FAM167A: variants seen among roughly 807,000 people sequenced by gnomAD.
FAM167A encodes family with sequence similarity 167 member A.
A neutral mutation model predicts 14.9 loss-of-function variants in FAM167A; 23 were observed. The ratio of observed to expected loss-of-function variants is 1.55; its 90% CI spans 1.11 to 2.19. The LOEUF (loss-of-function observed/expected upper bound fraction) is 2.19, where lower values mean the gene tolerates loss of function less well. Ranked by LOEUF, FAM167A falls within the 30% of genes most tolerant of loss-of-function variation. The probability of loss-of-function intolerance (pLI) is 0.00; values close to 1 mark genes in which losing one functional copy is unlikely to be tolerated. For synonymous variants in FAM167A, 174 were observed against 117.7 expected (o/e 1.48, Z -3.10); for missense variants, 401 against 281.5 (o/e 1.42, Z -3.04).
chr8:11,462,792 T>C (rs1807591324), intron 1 of FAM167A, among the ~76,000 whole-genome samples: 1 of 152,200 alleles, frequency 6.6e-6, no homozygotes, highest in African/African-American at 2.4e-5. Context: ...GCAGAAAGCA[T>C]CTGCTCCAGA....
upstream of FAM167A, among the ~76,000 whole-genome samples, chr8:11,472,214 G>A (rs192271714): frequency 8.5e-5 from 13 of 152,168 alleles, no homozygotes; most frequent in Admixed American, 5.2e-4. Context: ...GCAGCACACC[G>A]CACACAGACA....
Position 11,444,621 on chromosome 8 carries a change from C to G in FAM167A, c.-210G>C. 7.3e-7 allele frequency: 1 copy of G among 1,362,246 alleles called. No homozygotes were observed. Among genetic ancestry groups the G allele is most frequent in the Admixed American group, 3.5e-5 (1 of 28,214 alleles). The allele number at this position is 1,362,246 out of a possible 1,614,324, so 84.4% of individuals were successfully genotyped here. ...CGCACAGGGCGCCCTCCTGGAGGCT[C>G]GGGTCTATGATCCGTCCTGGAAGCC... On this transcript the variant is annotated 5_prime_UTR_variant, in exon 2 of 3. Coordinates refer to ENST00000284486, the MANE Select transcript of FAM167A (RefSeq NM_053279.3).
intron 1 of FAM167A, among the ~76,000 whole-genome samples, chr8:11,472,956 A>G (rs1039543042): frequency 3.3e-5 from 5 of 152,210 alleles, no homozygotes; most frequent in Non-Finnish European, 1.5e-5. Flanking sequence ...GGCCAGCAAG[A>G]TAAAAGAAAC....
At chr8:11,459,253 G>A (rs1807446531) in intron 1 of FAM167A, among the ~76,000 whole-genome samples, 1 of 152,080 alleles carries the variant, frequency 6.6e-6, no homozygotes, top group African/African-American at 2.4e-5. Context: ...CTCTACTGCA[G>A]GCAAGGAAAC....
chr8:11,432,048 G>C (rs1357198696), intron 2 of FAM167A, among the ~76,000 whole-genome samples: 1 of 152,026 alleles, frequency 6.6e-6, no homozygotes, highest in African/African-American at 2.4e-5. Context: ...CAGCATTTTT[G>C]TGGAATTTGC....
intron 1 of FAM167A, among the ~76,000 whole-genome samples, chr8:11,458,727 C>G (rs1039239342): frequency 6.6e-6 from 1 of 152,052 alleles, no homozygotes; most frequent in South Asian, 2.1e-4. Flanking sequence ...TTTCCAGAGT[C>G]TGGAGAAAGC....
At chr8:11,442,539 G>A (rs1441514369) in intron 2 of FAM167A, among the ~76,000 whole-genome samples, 2 of 152,140 alleles carry the variant, frequency 1.3e-5, no homozygotes, top group Admixed American at 6.5e-5. Context: ...TCTCGAACTC[G>A]AAACCAACAA....
intron 1 of FAM167A, among the ~76,000 whole-genome samples, chr8:11,459,732 G>C (rs112387834): frequency 0.017 from 2,562 of 152,034 alleles, 79 homozygotes; most frequent in African/African-American, 0.059. Context: ...TTCTTTTTTT[G>C]AGACAGAGTT....
intron 2 of FAM167A, among the ~76,000 whole-genome samples, chr8:11,430,301 T>C (rs551940012): frequency 5.3e-4 from 81 of 152,298 alleles, no homozygotes; most frequent in Non-Finnish European, 9.1e-4. Flanking sequence ...GGTGACAGGG[T>C]GTCCCCACCA....
intron 1 of FAM167A, among the ~76,000 whole-genome samples, chr8:11,459,563 G>C (rs573300998): frequency 3.9e-5 from 6 of 152,232 alleles, no homozygotes; most frequent in Admixed American, 2.6e-4. Flanking sequence ...GCTGTGGCAG[G>C]AGGGCCTCTT....
chr8:11,428,123 G>T (rs1805313487), intron 2 of FAM167A, among the ~76,000 whole-genome samples: 1 of 151,922 alleles, frequency 6.6e-6, no homozygotes, highest in Non-Finnish European at 1.5e-5. Flanking sequence ...TATGGTTTAA[G>T]ATTTGAGCTT....
chr8:11,456,181 T>A (rs187421382), intron 1 of FAM167A, among the ~76,000 whole-genome samples: 260 of 5,208 alleles, frequency 0.05, no homozygotes, highest in Admixed American at 0.055. Flanking sequence ...GCTGTGTGTG[T>A]GTGTGAATGT....
chr8:11,468,082 G>A (rs1807842342), upstream of FAM167A, among the ~76,000 whole-genome samples: 1 of 152,178 alleles, frequency 6.6e-6, no homozygotes, highest in Admixed American at 6.5e-5. Flanking sequence ...CCGGGTCCAA[G>A]CGTGCACGCA....
At chr8:11,435,290 C>T (rs773157778) in intron 2 of FAM167A, among the ~76,000 whole-genome samples, 3 of 152,178 alleles carry the variant, frequency 2.0e-5, no homozygotes, top group Admixed American at 1.3e-4. Context: ...GCCCCATGGG[C>T]GCCTGCTACC....
chr8:11,475,406 T>A (rs1288257749), intron 1 of FAM167A, among the ~76,000 whole-genome samples: 2 of 152,074 alleles, frequency 1.3e-5, no homozygotes, highest in African/African-American at 2.4e-5. Flanking sequence ...CCTCTCAACC[T>A]CACCCCACCC....
chr8:11,436,893 G>A (rs974883140), intron 2 of FAM167A, among the ~76,000 whole-genome samples: 1 of 152,216 alleles, frequency 6.6e-6, no homozygotes, highest in African/African-American at 2.4e-5. Flanking sequence ...GAGAGCTGAG[G>A]ACAGGACATG....
At chr8:11,457,156 C>A (rs1214319325) in intron 1 of FAM167A, among the ~76,000 whole-genome samples, 1 of 151,156 alleles carries the variant, frequency 6.6e-6, no homozygotes, top group Non-Finnish European at 1.5e-5. Context: ...TGGGTGGGAT[C>A]AGGGCTCCAC....
intron 1 of FAM167A, among the ~76,000 whole-genome samples, chr8:11,452,863 C>A (rs571411885): frequency 3.9e-5 from 6 of 152,310 alleles, no homozygotes; most frequent in African/African-American, 1.4e-4. Context: ...CAGAGTTCAC[C>A]GAGCATCAGC....
Position 11,433,249 on chromosome 8 carries a change from T to C in FAM167A, c.382-8613A>G, listed in dbSNP as rs145862921. Among the ~76,000 whole-genome samples the C allele has an allele frequency of 1.8e-4, 28 of 152,258 alleles. 1 individual carries two copies. Among genetic ancestry groups the C allele is most frequent in the African/African-American group, 3.6e-4 (15 of 41,544 alleles). On this transcript the variant is annotated intron_variant, in intron 2 of 2. Coordinates refer to ENST00000284486, the MANE Select transcript of FAM167A (RefSeq NM_053279.3). ...AAAAGAACATGTAATTGTCCGACCA[T>C]TGGAAGCACAAGGAGCAACTCTATG...
Sources: allele counts gnomAD v4.1 joint callset (sites outside exome capture counted in the v4.1 genomes callset), GRCh38; gene constraint gnomAD v4.1.1; transcripts MANE v1.5; gene names NCBI Gene and HGNC (gene_info 2026-07-23, HGNC 2026-07-21).